The following ZBTB44 variants were observed in gnomAD, a reference collection of about 807,000 sequenced individuals.
ZBTB44 encodes zinc finger and BTB domain containing 44, also known as zinc finger and BTB domain-containing protein 44.
Under a neutral mutation model 54.0 loss-of-function variants are expected in ZBTB44, and 15 were observed. The observed-to-expected ratio is 0.28, with a 90% CI of 0.19 to 0.43. ZBTB44 has a LOEUF of 0.43. Among genes scored for constraint, ZBTB44 ranks in the 20% least tolerant of loss-of-function variants. The pLI is 1.00. For synonymous variants in ZBTB44, 230 were observed against 250.1 expected (o/e 0.92, Z 0.76); for missense variants, 487 against 707.1 (o/e 0.69, Z 3.53).
In ZBTB44 at chr11:130,258,941, C is replaced by G. The variant is rs114990181; in HGVS notation, c.1018+1915G>C. On this transcript the variant is annotated intron_variant, in intron 2 of 7. Coordinates refer to ENST00000357899, the MANE Select transcript of ZBTB44 (RefSeq NM_001301098.2). ...CACAAGCATTCCTGTGCACCAGTAA[C>G]AGAGAGCCAAATCACGAGTGAACTC... Among the ~76,000 whole-genome samples, 1,101 of 152,280 alleles carry G rather than the reference C, an allele frequency of 7.2e-3. 16 individuals carry two copies. The highest frequency in any genetic ancestry group is 0.021 in the African/African-American group (881 of 41,568).
chr11:130,248,405 G>C (rs1937710049), intron 2 of ZBTB44, among the ~76,000 whole-genome samples: 4 of 152,206 alleles, frequency 2.6e-5, no homozygotes, highest in African/African-American at 9.6e-5. Context: ...ACTTTGGGAG[G>C]CTGAGGCAGG....
chr11:130,276,532 T>A (rs934485267), intron 1 of ZBTB44, among the ~76,000 whole-genome samples: 1 of 151,938 alleles, frequency 6.6e-6, no homozygotes, highest in African/African-American at 2.4e-5. Context: ...CCTCCTGGGT[T>A]CAAGTGATTC....
intron 1 of ZBTB44, among the ~76,000 whole-genome samples, chr11:130,288,696 G>A (rs1429105272): frequency 6.6e-6 from 1 of 151,540 alleles, no homozygotes; most frequent in African/African-American, 2.4e-5. Flanking sequence ...TCAGGTGTTC[G>A]AGATCAGCCT....
At chr11:130,307,228 TCCTGGCTAACACGGTGAAACC>T in intron 1 of ZBTB44, among the ~76,000 whole-genome samples, 2 of 151,996 alleles carry the variant, frequency 1.3e-5, no homozygotes, top group South Asian at 4.2e-4. Context: ...ACCAAGACCA[TCCTGGCTAACACGGTGAAACC>T]CCGTCTCTAC....
intron 1 of ZBTB44, among the ~76,000 whole-genome samples, chr11:130,302,375 G>A (rs1322247706): frequency 6.6e-6 from 1 of 151,940 alleles, no homozygotes; most frequent in Non-Finnish European, 1.5e-5. Context: ...GTAGAAAGAA[G>A]GAAAAAACAA....
At chr11:130,276,234 A>AAAAAAAAAAAAAAAAAAAAAAG in intron 1 of ZBTB44, among the ~76,000 whole-genome samples, 1 of 138,510 alleles carries the variant, frequency 7.2e-6, no homozygotes, top group Non-Finnish European at 1.5e-5. Context: ...CTCTGTCTCA[A>AAAAAAAAAAAAAAAAAAAAAAG]AAAAAAAAAA....
intron 4 of ZBTB44, among the ~76,000 whole-genome samples, chr11:130,237,692 A>G (rs969056145): frequency 1.7e-4 from 26 of 152,258 alleles, no homozygotes; most frequent in Non-Finnish European, 2.6e-4. Context: ...TTGGGGAAAA[A>G]ATTTTAAAAC....
chr11:130,248,593 A>G (rs1937728754), intron 2 of ZBTB44, among the ~76,000 whole-genome samples: 1 of 151,948 alleles, frequency 6.6e-6, no homozygotes, highest in African/African-American at 2.4e-5. Context: ...GTGAGCTGAC[A>G]TCACACCACA....
At chr11:130,259,918 G>A (rs543598206) in intron 2 of ZBTB44, among the ~76,000 whole-genome samples, 3 of 150,992 alleles carry the variant, frequency 2.0e-5, no homozygotes, top group East Asian at 1.9e-4. Context: ...AAAACTGAAC[G>A]TTCTGCACAT....
intron 2 of ZBTB44, among the ~76,000 whole-genome samples, chr11:130,260,128 G>A (rs1429809451): frequency 6.6e-6 from 1 of 152,166 alleles, no homozygotes; most frequent in Non-Finnish European, 1.5e-5. Flanking sequence ...TAGGATTCGA[G>A]GCTCTTTACA....
intron 7 of ZBTB44, chr11:130,232,861 GGT>G (rs1196412291): frequency 6.5e-6 from 1 of 153,256 alleles, no homozygotes; most frequent in African/African-American, 2.4e-5. Flanking sequence ...AAGTTAACCA[GGT>G]GTGGTGGAGC....
chr11:130,232,392 A>G (rs1953908827), intron 7 of ZBTB44: 1 of 152,330 alleles, frequency 6.6e-6, no homozygotes, highest in African/African-American at 2.4e-5. Flanking sequence ...AATATTAGAG[A>G]TGCTTTAATG....
intron 1 of ZBTB44, among the ~76,000 whole-genome samples, chr11:130,262,345 G>A (rs942949072): frequency 1.3e-5 from 2 of 152,056 alleles, no homozygotes; most frequent in Non-Finnish European, 2.9e-5. Flanking sequence ...CACCATGTTG[G>A]CCAGGCTGGT....
chr11:130,290,892 G>A (rs970696202), intron 1 of ZBTB44, among the ~76,000 whole-genome samples: 1 of 152,230 alleles, frequency 6.6e-6, no homozygotes, highest in Non-Finnish European at 1.5e-5. Flanking sequence ...AAACTTTCTC[G>A]CTATTTTATA....
At chr11:130,254,991 G>A in intron 2 of ZBTB44, among the ~76,000 whole-genome samples, 1 of 145,276 alleles carries the variant, frequency 6.9e-6, no homozygotes, top group Non-Finnish European at 1.5e-5. Context: ...ACCAAACACT[G>A]CATGTTCTCA....
intron 2 of ZBTB44, among the ~76,000 whole-genome samples, chr11:130,256,639 G>A (rs1287877103): frequency 7.0e-6 from 1 of 143,428 alleles, no homozygotes; most frequent in Non-Finnish European, 1.5e-5. Context: ...TGGTGACAGA[G>A]TGAGACTCCG....
At chr11:130,236,277 G>C in intron 5 of ZBTB44, 1 of 1,257,394 alleles carries the variant, frequency 8.0e-7, no homozygotes, top group South Asian at 1.3e-5. Context: ...GCTCTAAACT[G>C]AATGAAAATA....
At chr11:130,297,559 G>A (rs886674034) in intron 1 of ZBTB44, among the ~76,000 whole-genome samples, 1 of 152,158 alleles carries the variant, frequency 6.6e-6, no homozygotes, top group Non-Finnish European at 1.5e-5. Flanking sequence ...TCTTTATAGA[G>A]GTAATCAAGT....
At chr11:130,272,576 CAGA>C (rs539492203) in intron 1 of ZBTB44, among the ~76,000 whole-genome samples, 11 of 152,242 alleles carry the variant, frequency 7.2e-5, no homozygotes, top group East Asian at 5.8e-4. Flanking sequence ...CTTTGAAGCA[CAGA>C]AGGTTTTAAT....
Sources: gnomAD v4.1 joint callset for allele counts (sites outside exome capture counted in the v4.1 genomes callset) on GRCh38, gnomAD v4.1.1 for gene constraint, MANE v1.5 for transcripts, NCBI Gene and HGNC (gene_info 2026-07-23, HGNC 2026-07-21) for gene names.